MAPKAP1: variants seen among roughly 807,000 people sequenced by gnomAD.
MAPKAP1 encodes the protein MAPK associated protein 1.
A neutral mutation model predicts 65.7 loss-of-function variants in MAPKAP1; 20 were observed. The ratio of observed to expected loss-of-function variants is 0.30; its 90% confidence interval spans 0.21 to 0.44. The LOEUF (loss-of-function observed/expected upper bound fraction) is 0.44, where lower values mean the gene tolerates loss of function less well. Ranked by LOEUF, MAPKAP1 falls within the 20% of genes least tolerant of loss-of-function variation. MAPKAP1 has a pLI of 1.00. For synonymous variants in MAPKAP1, 222 were observed against 244.3 expected (o/e 0.91, Z 0.85); for missense variants, 423 against 648.0 (o/e 0.65, Z 3.77).
intron 10 of MAPKAP1, among the ~76,000 whole-genome samples, chr9:125,455,319 G>T (rs141341180): frequency 4.2e-3 from 639 of 152,286 alleles, no homozygotes; most frequent in Non-Finnish European, 6.7e-3. Context: ...GTTGTTGCAA[G>T]AATTAAATAA....
At chr9:125,522,313 T>G (rs1277040342) in intron 7 of MAPKAP1, among the ~76,000 whole-genome samples, 2 of 152,248 alleles carry the variant, frequency 1.3e-5, no homozygotes, top group Non-Finnish European at 2.9e-5. Flanking sequence ...CCAGCTTTTT[T>G]TCCTTGTAAC....
intron 6 of MAPKAP1, among the ~76,000 whole-genome samples, chr9:125,550,211 A>G (rs1414263738): frequency 6.6e-6 from 1 of 152,202 alleles, no homozygotes. Context: ...GAGAAGCATC[A>G]CAGTTTTTTT....
chr9:125,658,107 T>C (rs1834084234), intron 3 of MAPKAP1, among the ~76,000 whole-genome samples: 1 of 151,868 alleles, frequency 6.6e-6, no homozygotes, highest in South Asian at 2.1e-4. Context: ...TGGCCCGGCT[T>C]TGCTACTAAC....
intron 4 of MAPKAP1, among the ~76,000 whole-genome samples, chr9:125,614,569 G>A (rs147018130): frequency 6.6e-6 from 1 of 152,274 alleles, no homozygotes; most frequent in Non-Finnish European, 1.5e-5. Context: ...AGGTTGCAGT[G>A]AGCCAAGATC....
intron 4 of MAPKAP1, among the ~76,000 whole-genome samples, chr9:125,617,906 T>C (rs1373360162): frequency 6.6e-6 from 1 of 152,200 alleles, no homozygotes; most frequent in Non-Finnish European, 1.5e-5. Context: ...TGAGTGACTA[T>C]TATACAACTG....
intron 1 of MAPKAP1, among the ~76,000 whole-genome samples, chr9:125,692,615 T>G (rs1835203909): frequency 6.6e-6 from 1 of 152,196 alleles, no homozygotes; most frequent in Non-Finnish European, 1.5e-5. Flanking sequence ...GTCATTAAAT[T>G]GTACATTTTA....
chr9:125,501,058 G>T (rs1261738407), intron 8 of MAPKAP1, among the ~76,000 whole-genome samples: 3 of 152,142 alleles, frequency 2.0e-5, no homozygotes, highest in Non-Finnish European at 4.4e-5. Context: ...CACAAGGATT[G>T]TTACACTAAG....
chr9:125,520,394 AT>A (rs1235395908), intron 7 of MAPKAP1, among the ~76,000 whole-genome samples: 1 of 152,162 alleles, frequency 6.6e-6, no homozygotes, highest in Non-Finnish European at 1.5e-5. Flanking sequence ...TACTGGCCTC[AT>A]CTTCCTCCCC....
intron 10 of MAPKAP1, among the ~76,000 whole-genome samples, chr9:125,451,714 A>C (rs545896191): frequency 2.0e-5 from 3 of 151,834 alleles, no homozygotes; most frequent in East Asian, 1.9e-4. Flanking sequence ...CTGGGACCAC[A>C]GCCCTCACCC....
chr9:125,531,243 C>T (rs533332535), intron 7 of MAPKAP1, among the ~76,000 whole-genome samples: 1 of 152,236 alleles, frequency 6.6e-6, no homozygotes, highest in African/African-American at 2.4e-5. Context: ...CAGTGTCTAG[C>T]AGTACAACCT....
chr9:125,693,440 T>C (rs373372792), intron 1 of MAPKAP1, among the ~76,000 whole-genome samples: 94 of 148,134 alleles, frequency 6.3e-4, no homozygotes, highest in East Asian at 1.6e-3. Context: ...TATATATATA[T>C]ATACACACAC....
At chr9:125,511,164 CCAT>C (rs3051230) in intron 7 of MAPKAP1, among the ~76,000 whole-genome samples, 62,339 of 146,890 alleles carry the variant, frequency 0.42, 13,141 homozygotes, top group Middle Eastern at 0.52. Context: ...ATCATCATCA[CCAT>C]CATCATCATC....
At position 125,452,259 on chromosome 9, in the gene MAPKAP1, G is replaced by A. The variant is rs527939315; in HGVS notation, c.1346-7661C>T. Reference sequence around the variant, plus strand: ...GATTACAGGCGTGCGCCACCACGCCGAGCTAATTTTTGAAATTTTTGTGGA... The same window carrying A: ...GATTACAGGCGTGCGCCACCACGCCAAGCTAATTTTTGAAATTTTTGTGGA... On this transcript the variant is annotated intron_variant, in intron 10 of 11. Coordinates refer to ENST00000265960, the MANE Select transcript of MAPKAP1 (RefSeq NM_001006617.3). Among the ~76,000 whole-genome samples, 255 of 151,840 alleles carry A rather than the reference G, an allele frequency of 1.7e-3. 1 individual carries two copies. Among genetic ancestry groups the A allele is most frequent in the African/African-American group, 5.9e-3 (246 of 41,420 alleles).
chr9:125,622,860 G>C (rs1433628853), intron 4 of MAPKAP1, among the ~76,000 whole-genome samples: 8 of 151,842 alleles, frequency 5.3e-5, no homozygotes, highest in Non-Finnish European at 1.0e-4. Context: ...ATGCGGAGCC[G>C]AAGCTGGACT....
At chr9:125,542,043 C>T (rs1830267009) in intron 7 of MAPKAP1, among the ~76,000 whole-genome samples, 1 of 152,160 alleles carries the variant, frequency 6.6e-6, no homozygotes, top group African/African-American at 2.4e-5. Flanking sequence ...TCTACAACCG[C>T]CCCTACCAGC....
chr9:125,468,430 A>G (rs543743123), intron 9 of MAPKAP1, among the ~76,000 whole-genome samples: 2 of 152,346 alleles, frequency 1.3e-5, no homozygotes, highest in East Asian at 1.9e-4. Context: ...ACAGCCGTAC[A>G]TTATCTCTAT....
chr9:125,572,974 C>T (rs1050035712), intron 5 of MAPKAP1: 2 of 151,958 alleles, frequency 1.3e-5, no homozygotes, highest in African/African-American at 4.8e-5. Flanking sequence ...CCTGTCTACT[C>T]TGAATGCAAG....
At chr9:125,495,577 T>A (rs987308338) in intron 8 of MAPKAP1, among the ~76,000 whole-genome samples, 1 of 152,234 alleles carries the variant, frequency 6.6e-6, no homozygotes, top group Non-Finnish European at 1.5e-5. Context: ...TTAAACCAAT[T>A]TTAATATATT....
At chr9:125,588,806 T>A (rs974413081) in intron 4 of MAPKAP1, among the ~76,000 whole-genome samples, 2 of 152,122 alleles carry the variant, frequency 1.3e-5, no homozygotes, top group Non-Finnish European at 2.9e-5. Context: ...AAATCCAAAC[T>A]CCCTGCAACA....
Sources: allele counts gnomAD v4.1 joint callset (sites outside exome capture counted in the v4.1 genomes callset), GRCh38; gene constraint gnomAD v4.1.1; transcripts MANE v1.5; gene names NCBI Gene and HGNC (gene_info 2026-07-23, HGNC 2026-07-21).